Variants in ZNF33B observed in about 807,000 individuals in gnomAD.
The protein encoded by ZNF33B is zinc finger protein 33B.
ZNF33B carries 29 observed loss-of-function variants against 45.8 expected under a neutral mutation model. The ratio of observed to expected loss-of-function variants is 0.63; its 90% CI spans 0.47 to 0.86. The LOEUF (loss-of-function observed/expected upper bound fraction) is 0.86, where lower values mean the gene tolerates loss of function less well. ZNF33B is among the 40% of genes least tolerant of loss of function. The pLI is 0.00. For missense variants in ZNF33B, 831 were observed against 909.9 expected (o/e 0.91, Z 1.12); for synonymous variants, 305 against 307.8 (o/e 0.99, Z 0.10).
intron 1 of ZNF33B, chr10:42,582,136 T>G (rs1836839288): frequency 6.6e-6 from 1 of 152,172 alleles, no homozygotes; most frequent in African/African-American, 2.4e-5. Context: ...AACAAAAATC[T>G]GCATTCCTCT....
intron 4 of ZNF33B, among the ~76,000 whole-genome samples, chr10:42,622,460 C>T (rs142806867): frequency 5.3e-5 from 8 of 152,346 alleles, no homozygotes; most frequent in African/African-American, 1.9e-4. Context: ...ATAATCCAAA[C>T]AGTGGGTCAT....
At chr10:42,631,533 C>A (rs1839053702) in intron 4 of ZNF33B, among the ~76,000 whole-genome samples, 1 of 152,078 alleles carries the variant, frequency 6.6e-6, no homozygotes. Context: ...CAGCACACAC[C>A]AAGTGCTCAA....
intron 4 of ZNF33B, among the ~76,000 whole-genome samples, chr10:42,596,595 T>C (rs1451720157): frequency 6.6e-6 from 1 of 152,142 alleles, no homozygotes; most frequent in African/African-American, 2.4e-5. Context: ...AGCAGGGAGT[T>C]CCACTTGTTT....
At chr10:42,585,798 G>C (rs1323300220), downstream of ZNF33B, among the ~76,000 whole-genome samples, 1 of 152,138 alleles carries the variant, frequency 6.6e-6, no homozygotes. Context: ...TAAGCCTCTT[G>C]GTTGTCTTTG....
intron 4 of ZNF33B, among the ~76,000 whole-genome samples, chr10:42,630,319 G>A (rs12256744): frequency 0.07 from 10,666 of 152,120 alleles, 702 homozygotes; most frequent in African/African-American, 0.17. Flanking sequence ...TGCCACCACA[G>A]TTTCAGAAGA....
At position 42,594,161 on chromosome 10, in the gene ZNF33B, C is replaced by T. The variant is rs758788485; in HGVS notation, c.789G>A (p.Leu263=). Residue 263 remains leucine, a synonymous_variant, in exon 5 of 5, where the codon TTG becomes TTA. Coordinates refer to ENST00000359467, the MANE Select transcript of ZNF33B (RefSeq NM_006955.3). The stretch of plus-strand genomic sequence containing the variant: ...CCTTTGATGGAGGTATCTGATGGAA[C>T]AAGAGGGATGAACTATCACAGAAAG... The part of the protein sequence containing the change: ...GRTFCDSSSL[L]FHQIPPSKDS... 8.1e-6 allele frequency: 13 copies of T among 1,613,776 alleles called. No homozygotes were observed. Among genetic ancestry groups the T allele is most frequent in the African/African-American group, 1.3e-5 (1 of 74,916 alleles).
intron 4 of ZNF33B, among the ~76,000 whole-genome samples, chr10:42,603,004 G>T (rs1036750947): frequency 2.0e-5 from 3 of 152,150 alleles, no homozygotes; most frequent in Admixed American, 6.6e-5. Flanking sequence ...AAAAGGCCTT[G>T]AGCCAGCTTC....
At chr10:42,615,093 G>A (rs915718503) in intron 4 of ZNF33B, among the ~76,000 whole-genome samples, 8 of 152,130 alleles carry the variant, frequency 5.3e-5, no homozygotes, top group African/African-American at 1.7e-4. Flanking sequence ...GCAAACTGGA[G>A]AAACTGGAAA....
intron 2 of ZNF33B, among the ~76,000 whole-genome samples, chr10:42,636,022 G>T (rs927391365): frequency 6.6e-6 from 1 of 151,964 alleles, no homozygotes; most frequent in African/African-American, 2.4e-5. Flanking sequence ...CCAGCTACTC[G>T]GGAGGCTGAG....
Position 42,594,478 on chromosome 10 carries a change from T to A in ZNF33B, c.472A>T (p.Ser158Cys), listed in dbSNP as rs1837308060. Residue 158 changes from serine to cysteine, a missense_variant, in exon 5 of 5, where the codon AGT becomes TGT. Transcript: ENST00000359467. ...TTTTTTCCTAAATAGTTTATCTTAC[T>A]GATAACCAATTCTGAAACAGTGTTG... ...SFNTVSELVI[S>C]KINYLGKKSD... 6.2e-7 allele frequency: 1 copy of A among 1,613,188 alleles called. No homozygotes were observed. The highest frequency in any genetic ancestry group is 1.3e-5 in the African/African-American group (1 of 74,842).
intron 4 of ZNF33B, among the ~76,000 whole-genome samples, chr10:42,596,609 T>C (rs1284204511): frequency 6.6e-6 from 1 of 152,070 alleles, no homozygotes; most frequent in Non-Finnish European, 1.5e-5. Context: ...CTTGTTTAGG[T>C]CTTCAATTTC....
intron 4 of ZNF33B, among the ~76,000 whole-genome samples, chr10:42,619,250 T>C (rs140539818): frequency 0.017 from 2,553 of 152,308 alleles, 77 homozygotes; most frequent in African/African-American, 0.058. Flanking sequence ...GGGAAAGTTT[T>C]GTGGCATTTT....
chr10:42,584,788 TG>T (rs1564489183), downstream of ZNF33B, among the ~76,000 whole-genome samples: 1 of 152,232 alleles, frequency 6.6e-6, no homozygotes, highest in Admixed American at 6.5e-5. Flanking sequence ...CCCAAAGTGC[TG>T]GGACTACAGG....
At chr10:42,632,762 A>T in intron 2 of ZNF33B, 1 of 304,424 alleles carries the variant, frequency 3.3e-6, no homozygotes, top group Non-Finnish European at 6.1e-6. Flanking sequence ...AACCCAACAG[A>T]CTAACGTTAG....
At chr10:42,598,018 A>G (rs1160793498) in intron 4 of ZNF33B, among the ~76,000 whole-genome samples, 1 of 152,200 alleles carries the variant, frequency 6.6e-6, no homozygotes, top group African/African-American at 2.4e-5. Context: ...CTTCTTTGTT[A>G]ATACTTGATT....
intron 4 of ZNF33B, among the ~76,000 whole-genome samples, chr10:42,618,189 C>G (rs1323889209): frequency 2.0e-5 from 3 of 152,106 alleles, no homozygotes; most frequent in African/African-American, 7.2e-5. Context: ...TGGGGTGGAC[C>G]AGAACAAACA....
Position 42,592,998 on chromosome 10 carries a change from G to C in ZNF33B, c.1952C>G (p.Ala651Gly). 6.2e-7 allele frequency: 1 copy of C among 1,613,950 alleles called. No homozygotes were observed. The highest frequency in any genetic ancestry group is 8.5e-7 in the Non-Finnish European group (1 of 1,179,968). Reference protein sequence around the residue: ...ECGKAFCHKSALIVHQRTHTQ... With the variant: ...ECGKAFCHKSGLIVHQRTHTQ... ...ATGGGTTCTCTGATGTACAATTAGA[G>C]CTGACTTATGGCAGAAAGCTTTTCC... The change falls in exon 5 of 5, where the codon GCT becomes GGT. Residue 651 changes from alanine (A) to glycine (G), a missense_variant. Ala to Gly is a moderately conservative substitution (Grantham distance 60). Transcript: ENST00000359467.
At chr10:42,577,482 A>T (rs1348768901) in intron 1 of ZNF33B, among the ~76,000 whole-genome samples, 4 of 152,172 alleles carry the variant, frequency 2.6e-5, no homozygotes, top group Non-Finnish European at 5.9e-5. Flanking sequence ...AGTTTTTCAG[A>T]TCTTGTAAGT....
At chr10:42,618,842 T>C (rs1485324978) in intron 4 of ZNF33B, among the ~76,000 whole-genome samples, 1 of 152,194 alleles carries the variant, frequency 6.6e-6, no homozygotes, top group Non-Finnish European at 1.5e-5. Context: ...TGATATCCGT[T>C]TCCCAAGGTT....
Sources: gnomAD v4.1 joint callset for allele counts (sites outside exome capture counted in the v4.1 genomes callset) on GRCh38, gnomAD v4.1.1 for gene constraint, MANE v1.5 for transcripts, NCBI Gene and HGNC (gene_info 2026-07-23, HGNC 2026-07-21) for gene names.